The following LRBA variants were observed in gnomAD, a reference collection of about 807,000 sequenced individuals.
LRBA encodes the protein LPS responsive beige-like anchor protein, also known as lipopolysaccharide-responsive and beige-like anchor protein.
Under a neutral mutation model 330.0 loss-of-function variants are expected in LRBA, and 176 were observed. The observed-to-expected ratio is 0.53, with a 90% CI of 0.47 to 0.60. The LOEUF (loss-of-function observed/expected upper bound fraction) is 0.60. LRBA is among the 20% of genes least tolerant of loss of function. The pLI, the probability that LRBA is intolerant of heterozygous loss-of-function variation, is 0.00. For synonymous variants in LRBA, 1,230 were observed against 1,193.0 expected (o/e 1.03, Z -0.64); for missense variants, 3,259 against 3,444.8 (o/e 0.95, Z 1.35).
Position 150,583,522 on chromosome 4 carries a change from C to G in LRBA, c.6330+4526G>C, listed in dbSNP as rs1318849042. 3 of 1,613,722 alleles carry G rather than the reference C, an allele frequency of 1.9e-6. No homozygotes were observed. The highest frequency in any genetic ancestry group is 1.3e-5 in the African/African-American group (1 of 74,918). On this transcript the variant is annotated intron_variant, in intron 40 of 56. Transcript: ENST00000651943. This position sits in a 1 kb window ranked among gnomAD's most constrained non-coding sequence, Gnocchi z 9.8. The stretch of plus-strand genomic sequence containing the variant: ...CGAGGTCAAGTTGCGCATCAGGGAG[C>G]GCTATGTGGTGCAAATCACTCCGGC...
At chr4:150,586,074 T>C (rs1161549430) in intron 40 of LRBA, among the ~76,000 whole-genome samples, 1 of 152,220 alleles carries the variant, frequency 6.6e-6, no homozygotes, top group Non-Finnish European at 1.5e-5. Context: ...CACAGTAATA[T>C]TAAGTGGCTC....
intron 36 of LRBA, among the ~76,000 whole-genome samples, chr4:150,699,660 C>T (rs1025939272): frequency 2.0e-5 from 3 of 151,968 alleles, no homozygotes; most frequent in African/African-American, 7.3e-5. Flanking sequence ...TTATCAAATC[C>T]CATTTATTCC....
At chr4:150,917,336 C>T (rs1045376422) in intron 5 of LRBA, among the ~76,000 whole-genome samples, 2 of 151,344 alleles carry the variant, frequency 1.3e-5, no homozygotes, top group African/African-American at 4.9e-5. Context: ...TTAAAATGAA[C>T]GTATCCACAG....
chr4:150,923,290 T>G (rs1252421496), intron 4 of LRBA, among the ~76,000 whole-genome samples: 1 of 152,126 alleles, frequency 6.6e-6, no homozygotes, highest in Non-Finnish European at 1.5e-5. Flanking sequence ...ATTTTGCTTC[T>G]TACTCTCCCC....
chr4:150,817,328 A>G, intron 30 of LRBA, 71 bp from the exon 31 acceptor site: 3 of 1,380,000 alleles, frequency 2.2e-6, no homozygotes, highest in South Asian at 1.2e-5. Flanking sequence ...GAATTTCAAA[A>G]CAGAAACTAG....
chr4:150,579,325 T>A (rs1770926923), intron 40 of LRBA: 1 of 446,668 alleles, frequency 2.2e-6, no homozygotes. Flanking sequence ...AAGGCGCAGC[T>A]GAAGCTGCTC....
intron 46 of LRBA, among the ~76,000 whole-genome samples, chr4:150,416,379 A>G (rs1467328690): frequency 6.6e-6 from 1 of 152,190 alleles, no homozygotes; most frequent in Non-Finnish European, 1.5e-5. Context: ...CTTTCCAAAC[A>G]GTTGAGTAAA....
chr4:150,314,754 T>G (rs552751821), intron 51 of LRBA: 1 of 152,262 alleles, frequency 6.6e-6, no homozygotes, highest in Non-Finnish European at 1.5e-5. Context: ...TGATGCCACA[T>G]TTGAAATCCC....
chr4:150,561,908 T>C (rs1357989582), intron 40 of LRBA, among the ~76,000 whole-genome samples: 1 of 152,144 alleles, frequency 6.6e-6, no homozygotes, highest in Non-Finnish European at 1.5e-5. Context: ...TCCAAGCATA[T>C]ATAGATTCCC....
intron 36 of LRBA, chr4:150,721,278 G>A: frequency 2.7e-6 from 1 of 365,386 alleles, no homozygotes; most frequent in South Asian, 2.8e-5. Flanking sequence ...TAAGTCCAAT[G>A]CTGATGAATT....
intron 40 of LRBA, among the ~76,000 whole-genome samples, chr4:150,522,192 G>A (rs1762988872): frequency 6.6e-6 from 1 of 152,066 alleles, no homozygotes; most frequent in African/African-American, 2.4e-5. Flanking sequence ...GCTTCCACCA[G>A]ACACAAAACC....
chr4:150,747,628 A>C (rs1180806335), intron 35 of LRBA, among the ~76,000 whole-genome samples: 1 of 152,210 alleles, frequency 6.6e-6, no homozygotes, highest in Non-Finnish European at 1.5e-5. Context: ...TAACTGTGAA[A>C]AGGTTCTTAA....
At chr4:150,685,916 G>T (rs577288364) in intron 36 of LRBA, among the ~76,000 whole-genome samples, 1 of 152,224 alleles carries the variant, frequency 6.6e-6, no homozygotes, top group East Asian at 1.9e-4. Flanking sequence ...TTTGACCCAA[G>T]TACAAAATAC....
chr4:150,463,318 C>T (rs901585050), intron 44 of LRBA, among the ~76,000 whole-genome samples: 9 of 152,030 alleles, frequency 5.9e-5, no homozygotes, highest in African/African-American at 1.9e-4. Context: ...CATTATTCAA[C>T]TGTGTGCCCT....
At chr4:150,763,719 GA>G (rs1415512850) in intron 34 of LRBA, among the ~76,000 whole-genome samples, 1 of 151,650 alleles carries the variant, frequency 6.6e-6, no homozygotes, top group Non-Finnish European at 1.5e-5. Context: ...ACAGCACAGA[GA>G]GATAAGACTC....
At chr4:150,841,896 T>A (rs1324516403) in intron 28 of LRBA, among the ~76,000 whole-genome samples, 4 of 152,074 alleles carry the variant, frequency 2.6e-5, no homozygotes, top group African/African-American at 9.7e-5. Flanking sequence ...GGCCTTGTGA[T>A]CCACCTGCCT....
chr4:150,476,508 C>CA (rs1035130041), intron 42 of LRBA, among the ~76,000 whole-genome samples: 1 of 151,822 alleles, frequency 6.6e-6, no homozygotes, highest in East Asian at 1.9e-4. Flanking sequence ...AGCATGGAAT[C>CA]AAAAAAAATG....
intron 35 of LRBA, 52 bp downstream of exon 35, chr4:150,761,731 A>T: frequency 8.0e-7 from 1 of 1,245,202 alleles, no homozygotes; most frequent in Non-Finnish European, 1.1e-6. Context: ...CTATAGGAAA[A>T]ACCCAAGATT....
chr4:150,611,527 T>C (rs1325014391), intron 37 of LRBA, among the ~76,000 whole-genome samples: 1 of 152,158 alleles, frequency 6.6e-6, no homozygotes, highest in Non-Finnish European at 1.5e-5. Flanking sequence ...GTGACAGATA[T>C]AACTATAAAC....
Sources: allele counts gnomAD v4.1 joint callset (sites outside exome capture counted in the v4.1 genomes callset), GRCh38; gene constraint gnomAD v4.1.1; non-coding constraint Gnocchi (gnomAD v3.1); transcripts MANE v1.5; gene names NCBI Gene and HGNC (gene_info 2026-07-23, HGNC 2026-07-21).